The following TBC1D14 variants were observed in gnomAD, a reference collection of about 807,000 sequenced individuals.
TBC1D14 encodes the protein TBC1 domain family, member 14.
In TBC1D14, 26 loss-of-function variants were observed where a neutral mutation model predicts 79.0. That is an observed-to-expected ratio of 0.33 (90% CI 0.24 to 0.46). TBC1D14 has a LOEUF of 0.46. Among genes scored for constraint, TBC1D14 ranks in the 20% least tolerant of loss-of-function variants. The probability of loss-of-function intolerance (pLI) is 1.00; values close to 1 mark genes in which losing one functional copy is unlikely to be tolerated. For missense variants in TBC1D14, 769 were observed against 887.6 expected (o/e 0.87, Z 1.70); for synonymous variants, 394 against 349.9 (o/e 1.13, Z -1.40).
chr4:6,915,256 C>A (rs1251135799), intron 1 of TBC1D14, among the ~76,000 whole-genome samples: 1 of 152,176 alleles, frequency 6.6e-6, no homozygotes, highest in Non-Finnish European at 1.5e-5. Flanking sequence ...TCCCCAGAAT[C>A]CTCACCAGGA....
intron 11 of TBC1D14, among the ~76,000 whole-genome samples, chr4:7,014,038 C>T (rs1218264789): frequency 2.0e-5 from 3 of 152,310 alleles, no homozygotes; most frequent in South Asian, 2.1e-4. Flanking sequence ...CGTGAGCCAC[C>T]GCACCCGGCC....
intron 2 of TBC1D14, among the ~76,000 whole-genome samples, chr4:6,940,386 A>G (rs752258425): frequency 2.6e-5 from 4 of 152,156 alleles, no homozygotes; most frequent in Non-Finnish European, 5.9e-5. Context: ...GCAAATCCAT[A>G]ATGGAATGTG....
rs183415302 is a variant in TBC1D14 at position 7,008,713 on chromosome 4, A to G, written c.1447-1164A>G. The stretch of plus-strand genomic sequence containing the variant: ...GGCGTGAGCCACTGCGCCCAGCCGC[A>G]TCATTGTTTTCATTTAAGAAATGAC... On this transcript the variant is annotated intron_variant, in intron 9 of 13. Transcript: ENST00000409757. 2.4e-3 allele frequency among the ~76,000 whole-genome samples: 363 copies of G among 152,366 alleles called. 3 individuals carry two copies. The highest frequency in any genetic ancestry group is 8.3e-3 in the African/African-American group (344 of 41,586).
intron 2 of TBC1D14, among the ~76,000 whole-genome samples, chr4:6,956,007 C>T (rs944914091): frequency 6.6e-6 from 1 of 152,076 alleles, no homozygotes; most frequent in East Asian, 1.9e-4. Context: ...AGCTTTCATT[C>T]AATAATCTGA....
At chr4:6,953,471 A>AAG (rs1436829969) in intron 2 of TBC1D14, among the ~76,000 whole-genome samples, 1 of 143,236 alleles carries the variant, frequency 7.0e-6, no homozygotes, top group Non-Finnish European at 1.5e-5. Context: ...AAAAAAAAAA[A>AAG]ATACAAAAAA....
At chr4:7,006,581 C>G (rs1475938025) in intron 8 of TBC1D14, 51 bp from the exon 9 acceptor site, 1 of 1,519,896 alleles carries the variant, frequency 6.6e-7, no homozygotes, top group African/African-American at 1.4e-5. Flanking sequence ...TCGTAATTGT[C>G]CTACATTCGT....
intron 13 of TBC1D14, among the ~76,000 whole-genome samples, chr4:7,027,610 AC>A (rs1166693891): frequency 1.6e-5 from 2 of 127,016 alleles, no homozygotes; most frequent in African/African-American, 5.8e-5. Flanking sequence ...ATTACCCTAC[AC>A]AGTCACATCC....
At position 7,032,289 on chromosome 4, in the gene TBC1D14, T is replaced by C. The variant is rs775539426; in HGVS notation, c.*1897T>C. The C allele has an allele frequency of 2.0e-5, 3 of 152,740 alleles. No homozygotes were observed. The highest frequency in any genetic ancestry group is 1.9e-4 in the East Asian group (1 of 5,200). The allele number at this position is 152,740 out of a possible 1,614,324, so 9.5% of individuals were successfully genotyped here. A position where few individuals can be genotyped will look rare whatever the true frequency, so the allele number is the denominator to read the frequency against. ...GCTGTTGTCCTCGCAGATGTACTTA[T>C]TTTTGTTCATGTTACGGGCGTTCCG... is the stretch of plus-strand genomic sequence containing the variant. On this transcript the variant is annotated 3_prime_UTR_variant, in exon 14 of 14. Coordinates refer to ENST00000409757, the MANE Select transcript of TBC1D14 (RefSeq NM_020773.3).
chr4:7,013,971 G>T (rs976736680), intron 11 of TBC1D14, among the ~76,000 whole-genome samples: 1 of 152,088 alleles, frequency 6.6e-6, no homozygotes, highest in Non-Finnish European at 1.5e-5. Flanking sequence ...GGATGGTCTC[G>T]ATCTCCTGAC....
chr4:7,024,739 C>T (rs1051008354), intron 12 of TBC1D14, among the ~76,000 whole-genome samples: 1 of 152,212 alleles, frequency 6.6e-6, no homozygotes, highest in Admixed American at 6.5e-5. Flanking sequence ...AGTAGGGGCT[C>T]AGCACATATT....
chr4:7,001,079 G>A, intron 6 of TBC1D14, 66 bp from the exon 7 acceptor site: 1 of 1,422,996 alleles, frequency 7.0e-7, no homozygotes, highest in Non-Finnish European at 9.8e-7. Flanking sequence ...TTCGGGGCTA[G>A]GCACGCAGGT....
Position 7,030,346 on chromosome 4 carries a change from AAGAC to A in TBC1D14, c.2039_2042del (p.Asp680AlafsTer68). The A allele has an allele frequency of 1.9e-6, 3 of 1,613,976 alleles. No homozygotes were observed. The highest frequency in any genetic ancestry group is 2.5e-6 in the Non-Finnish European group (3 of 1,179,878). ...TTCTAGGTACTGACTGCATTGCAGAAAGACAGCCGGGAAATGGAGAAGGGAAGTC... is the reference window on the plus strand; with the variant it reads ...TTCTAGGTACTGACTGCATTGCAGAAAGCCGGGAAATGGAGAAGGGAAGTC... On this transcript the variant is annotated frameshift_variant, in exon 14 of 14. Coordinates refer to ENST00000409757, the MANE Select transcript of TBC1D14 (RefSeq NM_020773.3). LOFTEE classifies it high-confidence loss of function.
intron 13 of TBC1D14, among the ~76,000 whole-genome samples, chr4:7,029,442 C>T (rs1171879496): frequency 2.0e-5 from 3 of 152,208 alleles, no homozygotes; most frequent in Non-Finnish European, 4.4e-5. Context: ...GTGGGCTAAG[C>T]GGGTGCTGGG....
intron 2 of TBC1D14, among the ~76,000 whole-genome samples, chr4:6,934,907 A>G (rs1437160986): frequency 6.6e-6 from 1 of 151,930 alleles, no homozygotes; most frequent in African/African-American, 2.4e-5. Flanking sequence ...GTGAGACCCC[A>G]TCTCTACAAA....
intron 2 of TBC1D14, among the ~76,000 whole-genome samples, chr4:6,953,357 C>A (rs1382516102): frequency 7.6e-6 from 1 of 132,218 alleles, no homozygotes; most frequent in Non-Finnish European, 1.6e-5. Flanking sequence ...CGCGGTGGCT[C>A]ACGCCTGTAA....
intron 3 of TBC1D14, among the ~76,000 whole-genome samples, chr4:6,972,987 T>A (rs1029267626): frequency 6.6e-6 from 1 of 152,148 alleles, no homozygotes; most frequent in African/African-American, 2.4e-5. Flanking sequence ...GGGATTGACG[T>A]CGTTGTTGGA....
chr4:6,979,891 C>A (rs887944815), intron 3 of TBC1D14, among the ~76,000 whole-genome samples: 2 of 152,092 alleles, frequency 1.3e-5, no homozygotes, highest in African/African-American at 4.8e-5. Context: ...CACTTCATAA[C>A]AGAGCTGCAA....
intron 9 of TBC1D14, among the ~76,000 whole-genome samples, chr4:7,007,247 A>G (rs546120137): frequency 4.6e-5 from 7 of 152,344 alleles, no homozygotes; most frequent in South Asian, 4.1e-4. Context: ...GAGGGACAGA[A>G]GCCTGCTGTG....
intron 1 of TBC1D14, among the ~76,000 whole-genome samples, chr4:6,919,643 T>C (rs1723677198): frequency 2.0e-5 from 3 of 152,156 alleles, no homozygotes; most frequent in East Asian, 1.9e-4. Context: ...TATTTTGAGA[T>C]GGAGTCTCCC....
Sources: allele counts gnomAD v4.1 joint callset (sites outside exome capture counted in the v4.1 genomes callset), GRCh38; gene constraint gnomAD v4.1.1; transcripts MANE v1.5; gene names NCBI Gene and HGNC (gene_info 2026-07-23, HGNC 2026-07-21).